The following ALOX5AP variants were observed in gnomAD, a reference collection of about 807,000 sequenced individuals.
The protein encoded by ALOX5AP is arachidonate 5-lipoxygenase activating protein, also known as arachidonate 5-lipoxygenase-activating protein.
In ALOX5AP, 9 loss-of-function variants were observed where a neutral mutation model predicts 18.5. That is an observed-to-expected ratio of 0.49 (90% CI 0.29 to 0.85). The LOEUF (loss-of-function observed/expected upper bound fraction) is 0.85, where lower values mean the gene tolerates loss of function less well. Ranked by LOEUF, ALOX5AP falls within the 40% of genes least tolerant of loss-of-function variation. The pLI, the probability that ALOX5AP is intolerant of heterozygous loss-of-function variation, is 0.08. For synonymous variants in ALOX5AP, 81 were observed against 78.6 expected (o/e 1.03, Z -0.16); for missense variants, 172 against 202.5 (o/e 0.85, Z 0.91).
chr13:30,744,505 TC>T, intron 2 of ALOX5AP: 5 of 178,480 alleles, frequency 2.8e-5, no homozygotes, highest in Admixed American at 5.7e-5. Flanking sequence ...CAGCCATGAC[TC>T]ACCAGTCACC....
rs141068749 is a variant in ALOX5AP, at chr13:30,757,741, T to G, written c.323+1716T>G. Among the ~76,000 whole-genome samples, 216 of 152,254 alleles carry G rather than the reference T, an allele frequency of 1.4e-3. 6 individuals carry two copies. The East Asian group carries it at 0.039, about 27-fold the overall frequency. ...AGACCATCTGCAGAACATGACAAAATTTGTCCACCTACCCACATGTCCTTT... is the reference window on the plus strand; with the variant it reads ...AGACCATCTGCAGAACATGACAAAAGTTGTCCACCTACCCACATGTCCTTT... On this transcript the variant is annotated intron_variant, in intron 4 of 4. Coordinates refer to ENST00000380490, the MANE Select transcript of ALOX5AP (RefSeq NM_001629.4).
At chr13:30,728,258 G>A (rs991794800) in intron 1 of ALOX5AP, among the ~76,000 whole-genome samples, 2 of 152,194 alleles carry the variant, frequency 1.3e-5, no homozygotes, top group Non-Finnish European at 2.9e-5. Flanking sequence ...TTTACAGGGA[G>A]CATAGCCCTG....
At chr13:30,756,075 A>G in intron 4 of ALOX5AP, 50 bp downstream of exon 4, 1 of 1,553,672 alleles carries the variant, frequency 6.4e-7, no homozygotes. Flanking sequence ...CTGATTTTTG[A>G]GCAGGAAGAG....
chr13:30,752,328 T>A (rs1165261475), intron 3 of ALOX5AP, among the ~76,000 whole-genome samples: 1 of 152,192 alleles, frequency 6.6e-6, no homozygotes, highest in Admixed American at 6.5e-5. Flanking sequence ...TGCTAATGCT[T>A]GCTCCCTGGT....
intron 3 of ALOX5AP, among the ~76,000 whole-genome samples, chr13:30,752,561 C>T (rs1257846083): frequency 3.3e-5 from 5 of 152,220 alleles, no homozygotes; most frequent in Non-Finnish European, 7.3e-5. Context: ...GCCACATCCC[C>T]GGCCTTCCCA....
chr13:30,745,659 G>A (rs1951803503), intron 2 of ALOX5AP, among the ~76,000 whole-genome samples: 1 of 152,222 alleles, frequency 6.6e-6, no homozygotes, highest in African/African-American at 2.4e-5. Flanking sequence ...TGTGATTTAA[G>A]ACATTTTAAA....
chr13:30,721,689 C>A (rs924705340), intron 1 of ALOX5AP, among the ~76,000 whole-genome samples: 3 of 152,154 alleles, frequency 2.0e-5, no homozygotes, highest in Non-Finnish European at 4.4e-5. Context: ...TTGTGAGACT[C>A]CTCCTCTTAA....
At chr13:30,716,685 A>G (rs1383781106) in intron 1 of ALOX5AP, among the ~76,000 whole-genome samples, 1 of 152,192 alleles carries the variant, frequency 6.6e-6, no homozygotes, top group African/African-American at 2.4e-5. Flanking sequence ...GGGAGGGGAC[A>G]CAGTCCACAA....
At chr13:30,715,038 C>T (rs1951539185) in intron 1 of ALOX5AP, among the ~76,000 whole-genome samples, 1 of 152,208 alleles carries the variant, frequency 6.6e-6, no homozygotes, top group African/African-American at 2.4e-5. Flanking sequence ...CTTGTCCTCT[C>T]TCTGGGGTTC....
chr13:30,741,550 A>AC (rs869222414), intron 1 of ALOX5AP, among the ~76,000 whole-genome samples: 12 of 32,770 alleles, frequency 3.7e-4, no homozygotes, highest in South Asian at 1.5e-3. Flanking sequence ...GCCCCTCCCC[A>AC]CCCCCACCCC....
chr13:30,722,336 C>T (rs1951600540), intron 1 of ALOX5AP, among the ~76,000 whole-genome samples: 1 of 152,212 alleles, frequency 6.6e-6, no homozygotes, highest in Non-Finnish European at 1.5e-5. Flanking sequence ...CCTTGAACCA[C>T]ACCAGCACTG....
At chr13:30,716,911 G>T (rs942285847) in intron 1 of ALOX5AP, among the ~76,000 whole-genome samples, 1 of 152,208 alleles carries the variant, frequency 6.6e-6, no homozygotes, top group Non-Finnish European at 1.5e-5. Flanking sequence ...GAGCCCCTAC[G>T]GTCCTCTCCC....
intron 1 of ALOX5AP, chr13:30,742,541 AC>A (rs1951775378): frequency 6.6e-6 from 1 of 152,218 alleles, no homozygotes; most frequent in Non-Finnish European, 1.5e-5. Flanking sequence ...GTGACGGAAT[AC>A]ATGGCAAGTG....
Position 30,713,841 on chromosome 13 carries a change from G to GGTGT in ALOX5AP, c.116+12_116+15dup, listed in dbSNP as rs369636483. The GGTGT allele has an allele frequency of 0.12, 166,073 of 1,432,992 alleles. 7,789 individuals are homozygous for GGTGT. The highest frequency in any genetic ancestry group is 0.37 in the African/African-American group (24,417 of 66,216). 88.8% of individuals were successfully genotyped at this position (1,432,992 alleles called of 1,614,324 possible). ...ATTGGGAACATAAGCCATCAGTGCT[G>GGTGT]GTGTGTGTGTGTGTGCGCGCACACG... On this transcript the variant is annotated frameshift_variant and splice_region_variant. Coordinates refer to the ALOX5AP transcript ENST00000617770. LOFTEE classifies it high-confidence loss of function.
intron 4 of ALOX5AP, among the ~76,000 whole-genome samples, chr13:30,757,778 G>A (rs4769875): frequency 0.077 from 11,711 of 152,102 alleles, 697 homozygotes; most frequent in African/African-American, 0.16. Context: ...AACTTTAAAG[G>A]CTTTACTAAC....
At chr13:30,713,698 C>T in exon 1 of ALOX5AP, 1 of 1,435,976 alleles carries the variant, frequency 7.0e-7, no homozygotes, top group Non-Finnish European at 9.5e-7. Flanking sequence ...CACTGTGAAC[C>T]AGGCTCCAGA....
At chr13:30,725,725 G>A (rs1951634494) in intron 1 of ALOX5AP, among the ~76,000 whole-genome samples, 1 of 152,136 alleles carries the variant, frequency 6.6e-6, no homozygotes, top group Non-Finnish European at 1.5e-5. Flanking sequence ...TACCATCCAT[G>A]GGCTTAATTT....
intron 1 of ALOX5AP, among the ~76,000 whole-genome samples, chr13:30,741,247 A>C (rs1402900338): frequency 2.7e-5 from 4 of 146,696 alleles, no homozygotes; most frequent in Non-Finnish European, 6.0e-5. Flanking sequence ...CTCAGCCTAC[A>C]GGTGCCTGCC....
upstream of ALOX5AP, among the ~76,000 whole-genome samples, chr13:30,734,051 G>A (rs1241892782): frequency 6.6e-6 from 1 of 152,106 alleles, no homozygotes; most frequent in Non-Finnish European, 1.5e-5. Flanking sequence ...GAAACTTCAT[G>A]GTGTCCATGA....
Sources: gnomAD v4.1 joint callset for allele counts (sites outside exome capture counted in the v4.1 genomes callset) on GRCh38, gnomAD v4.1.1 for gene constraint, MANE v1.5 for transcripts, NCBI Gene and HGNC (gene_info 2026-07-23, HGNC 2026-07-21) for gene names.